COL21A1: variants seen among roughly 807,000 people sequenced by gnomAD.
COL21A1 encodes collagen type XXI alpha 1 chain, also known as collagen alpha-1(XXI) chain.
In COL21A1, 149 loss-of-function variants were observed where a neutral mutation model predicts 137.9. That is an observed-to-expected ratio of 1.08 (90% CI 0.95 to 1.24). The LOEUF (loss-of-function observed/expected upper bound fraction) is 1.24, where lower values mean the gene tolerates loss of function less well. COL21A1 is among the 50% of genes most tolerant of loss of function. The pLI is 0.00. For synonymous variants in COL21A1, 456 were observed against 391.5 expected (o/e 1.16, Z -1.95); for missense variants, 1,167 against 1,158.4 (o/e 1.01, Z -0.11).
At chr6:56,334,288 C>G (rs1765292983) in intron 1 of COL21A1, among the ~76,000 whole-genome samples, 1 of 152,052 alleles carries the variant, frequency 6.6e-6, no homozygotes, top group Admixed American at 6.6e-5. Context: ...AACCCAAGTT[C>G]TTAGGCTGCC....
At chr6:56,058,833 C>T (rs997490050) in intron 29 of COL21A1, among the ~76,000 whole-genome samples, 2 of 152,104 alleles carry the variant, frequency 1.3e-5, no homozygotes, top group African/African-American at 2.4e-5. Context: ...ATTACTTAAC[C>T]GCTTCAGCAT....
At chr6:56,091,010 A>G (rs906726397) in intron 17 of COL21A1, among the ~76,000 whole-genome samples, 2 of 152,162 alleles carry the variant, frequency 1.3e-5, no homozygotes, top group Middle Eastern at 3.2e-3. Context: ...TAATAGAACT[A>G]GTGGGTTTTT....
chr6:56,066,096 G>A (rs74862620), intron 23 of COL21A1, among the ~76,000 whole-genome samples: 1 of 151,900 alleles, frequency 6.6e-6, no homozygotes, highest in South Asian at 2.1e-4. Context: ...AGGTTCCCAT[G>A]AGTCATCTAA....
At chr6:56,239,097 C>G (rs1355666285) in intron 1 of COL21A1, among the ~76,000 whole-genome samples, 5 of 152,164 alleles carry the variant, frequency 3.3e-5, no homozygotes, top group African/African-American at 1.2e-4. Context: ...AGCTATTACT[C>G]TATATGGCCT....
chr6:56,137,461 T>C (rs1774087109), intron 12 of COL21A1, among the ~76,000 whole-genome samples: 1 of 152,142 alleles, frequency 6.6e-6, no homozygotes, highest in East Asian at 1.9e-4. Flanking sequence ...AATAATGACC[T>C]ATGGGAAACT....
intron 1 of COL21A1, among the ~76,000 whole-genome samples, chr6:56,304,247 A>G (rs2152338018): frequency 1.3e-5 from 2 of 152,142 alleles, no homozygotes; most frequent in African/African-American, 4.8e-5. Context: ...CTGGCCTCAT[A>G]AAATGAGTTA....
At position 56,097,801 on chromosome 6, in the gene COL21A1, CTATATAAATA is replaced by C. The variant is rs1255007255; in HGVS notation, c.1812+3661_1812+3670del. Among the ~76,000 whole-genome samples the C allele has an allele frequency of 5.0e-5, 4 of 79,874 alleles. No homozygotes were observed. The Admixed American group carries it at 6.9e-4, about 14-fold the overall frequency. The allele number at this position is 79,874 out of a possible 152,430, so 52.4% of individuals were successfully genotyped here. On this transcript the variant is annotated intron_variant, in intron 17 of 29. Coordinates refer to ENST00000244728, the MANE Select transcript of COL21A1 (RefSeq NM_030820.4). ...AATATATAAAAATATATATATAAATCTATATAAATATATATAAATACATATAAATATATAT... is the reference window on the plus strand; with the variant it reads ...AATATATAAAAATATATATATAAATCTATATAAATACATATAAATATATAT...
chr6:56,338,586 A>G (rs559053984), intron 1 of COL21A1, among the ~76,000 whole-genome samples: 27 of 152,318 alleles, frequency 1.8e-4, no homozygotes, highest in Non-Finnish European at 3.4e-4. Flanking sequence ...CACCTTTGCC[A>G]GCCAAACCAT....
At chr6:56,069,306 A>G (rs1422401506) in intron 21 of COL21A1, among the ~76,000 whole-genome samples, 189 bp from the exon 22 acceptor site, 2 of 151,602 alleles carry the variant, frequency 1.3e-5, no homozygotes, top group African/African-American at 4.8e-5. Flanking sequence ...ATTTTTCTCT[A>G]TCTTTTCCAG....
chr6:56,097,302 T>G (rs914829826), intron 17 of COL21A1, among the ~76,000 whole-genome samples: 3 of 152,124 alleles, frequency 2.0e-5, no homozygotes, highest in Admixed American at 1.3e-4. Context: ...CCACTAGATT[T>G]AGGAGAAAAA....
intron 1 of COL21A1, among the ~76,000 whole-genome samples, chr6:56,204,853 T>G (rs1779657746): frequency 6.6e-6 from 1 of 152,152 alleles, no homozygotes; most frequent in Admixed American, 6.5e-5. Flanking sequence ...CTGGAATGAA[T>G]GAACCTATGG....
intron 9 of COL21A1, among the ~76,000 whole-genome samples, chr6:56,160,757 G>A (rs560672689): frequency 6.6e-6 from 1 of 152,040 alleles, no homozygotes; most frequent in African/African-American, 2.4e-5. Context: ...CTCTGAATAT[G>A]GTCTCTTAAG....
intron 1 of COL21A1, among the ~76,000 whole-genome samples, chr6:56,311,012 G>C (rs552973112): frequency 1.3e-5 from 2 of 152,126 alleles, no homozygotes; most frequent in East Asian, 3.9e-4. Flanking sequence ...CAAAAGCCAG[G>C]AATAATATAC....
chr6:56,205,824 A>G (rs529485467), intron 1 of COL21A1, among the ~76,000 whole-genome samples: 73 of 152,346 alleles, frequency 4.8e-4, no homozygotes, highest in Non-Finnish European at 1.0e-3. Context: ...GTGGGGACCA[A>G]TATTCTACAT....
At chr6:56,283,874 A>ACTCTCTCTCTCT (rs66937943) in intron 1 of COL21A1, among the ~76,000 whole-genome samples, 8 of 146,294 alleles carry the variant, frequency 5.5e-5, no homozygotes, top group African/African-American at 2.0e-4. Context: ...TCACACACAC[A>ACTCTCTCTCTCT]CTCTCTCTCT....
chr6:56,292,355 T>C (rs1764065461), intron 1 of COL21A1, among the ~76,000 whole-genome samples: 1 of 151,836 alleles, frequency 6.6e-6, no homozygotes. Context: ...TCACTTTGAA[T>C]TTATATATGG....
At chr6:56,330,193 A>G (rs1242051797) in intron 1 of COL21A1, among the ~76,000 whole-genome samples, 8 of 152,044 alleles carry the variant, frequency 5.3e-5, no homozygotes, top group Admixed American at 1.3e-4. Context: ...TTAAATATTA[A>G]ATTTTTGAAT....
chr6:56,357,194 C>T (rs1164678201), intron 1 of COL21A1, among the ~76,000 whole-genome samples: 2 of 151,994 alleles, frequency 1.3e-5, no homozygotes, highest in African/African-American at 2.4e-5. Flanking sequence ...CTGAATAATC[C>T]GTAAATTAGA....
At chr6:56,354,972 A>C (rs2152347435) in intron 1 of COL21A1, among the ~76,000 whole-genome samples, 1 of 152,364 alleles carries the variant, frequency 6.6e-6, no homozygotes, top group South Asian at 2.1e-4. Flanking sequence ...AGTTCAACTT[A>C]CTATTTTAAG....
Sources: allele counts gnomAD v4.1 joint callset (sites outside exome capture counted in the v4.1 genomes callset), GRCh38; gene constraint gnomAD v4.1.1; transcripts MANE v1.5; gene names NCBI Gene and HGNC (gene_info 2026-07-23, HGNC 2026-07-21).